KCNH7: variants seen among roughly 807,000 people sequenced by gnomAD.
The protein encoded by KCNH7 is potassium voltage-gated channel subfamily H member 7, also known as voltage-gated inwardly rectifying potassium channel KCNH7.
A neutral mutation model predicts 120.8 loss-of-function variants in KCNH7; 49 were observed. The ratio of observed to expected loss-of-function variants is 0.41; its 90% confidence interval spans 0.32 to 0.51. The LOEUF is 0.51. KCNH7 is among the 20% of genes least tolerant of loss of function. The pLI is 0.38. For missense variants in KCNH7, 1,097 were observed against 1,446.6 expected (o/e 0.76, Z 3.92); for synonymous variants, 547 against 516.1 (o/e 1.06, Z -0.81).
At chr2:162,627,477 G>A (rs1683601419) in intron 2 of KCNH7, among the ~76,000 whole-genome samples, 1 of 152,132 alleles carries the variant, frequency 6.6e-6, no homozygotes, top group Admixed American at 6.6e-5. Context: ...AGAGGTAACT[G>A]AAAATTTTAA....
At chr2:162,701,102 A>C (rs568319055) in intron 2 of KCNH7, among the ~76,000 whole-genome samples, 1 of 152,302 alleles carries the variant, frequency 6.6e-6, no homozygotes, top group East Asian at 1.9e-4. Flanking sequence ...AGTACAGTCA[A>C]TGAATTGTTA....
chr2:162,396,667 A>T, intron 11 of KCNH7, 73 bp downstream of exon 11: 2 of 1,124,282 alleles, frequency 1.8e-6, no homozygotes. Flanking sequence ...TTGATTTTTC[A>T]GAAGTATTTG....
At chr2:162,690,773 G>T (rs1345615841) in intron 2 of KCNH7, among the ~76,000 whole-genome samples, 1 of 152,066 alleles carries the variant, frequency 6.6e-6, no homozygotes, top group Non-Finnish European at 1.5e-5. Flanking sequence ...CAGATAATTG[G>T]CATGTTAACA....
chr2:162,784,103 T>C (rs1452911286), intron 2 of KCNH7, among the ~76,000 whole-genome samples: 1 of 152,148 alleles, frequency 6.6e-6, no homozygotes, highest in Non-Finnish European at 1.5e-5. Flanking sequence ...TATAATATAG[T>C]ATTTGGATTT....
At chr2:162,612,629 G>A (rs1683007976) in intron 2 of KCNH7, among the ~76,000 whole-genome samples, 1 of 151,790 alleles carries the variant, frequency 6.6e-6, no homozygotes, top group Non-Finnish European at 1.5e-5. Flanking sequence ...TAAACTCAAA[G>A]TCCATAATTA....
chr2:162,507,106 T>G (rs1690907009), intron 5 of KCNH7, among the ~76,000 whole-genome samples: 1 of 151,800 alleles, frequency 6.6e-6, no homozygotes, highest in Non-Finnish European at 1.5e-5. Flanking sequence ...ATATATTGTT[T>G]TATTCAGAAC....
intron 6 of KCNH7, among the ~76,000 whole-genome samples, chr2:162,479,490 T>A (rs1689854320): frequency 6.6e-6 from 1 of 152,206 alleles, no homozygotes; most frequent in Admixed American, 6.5e-5. Context: ...TTTGACAATT[T>A]AAGCATAAAT....
chr2:162,641,406 A>T (rs1684151189), intron 2 of KCNH7, among the ~76,000 whole-genome samples: 1 of 152,182 alleles, frequency 6.6e-6, no homozygotes, highest in African/African-American at 2.4e-5. Flanking sequence ...CTACTAAAAG[A>T]TTACATTGTA....
chr2:162,732,386 G>T (rs915764221), intron 2 of KCNH7, among the ~76,000 whole-genome samples: 6 of 152,074 alleles, frequency 3.9e-5, no homozygotes, highest in African/African-American at 1.4e-4. Context: ...CCAATATATA[G>T]ATATCTTATT....
rs139856394 is a variant in KCNH7, at chr2:162,465,658, C to T, written c.1129-19215G>A. Among the ~76,000 whole-genome samples the T allele has an allele frequency of 2.0e-3, 299 of 152,136 alleles. 1 individual carries two copies. Among genetic ancestry groups the T allele is most frequent in the African/African-American group, 6.7e-3 (278 of 41,492 alleles). On this transcript the variant is annotated intron_variant, in intron 6 of 15. Coordinates refer to ENST00000332142, the MANE Select transcript of KCNH7 (RefSeq NM_033272.4). ...CAGTGAGTCATGCTGAGTAATGGTG[C>T]GCATTGTATTCATTGAGGTTATAAG...
At chr2:162,488,291 T>C (rs1408178620) in intron 6 of KCNH7, among the ~76,000 whole-genome samples, 1 of 152,192 alleles carries the variant, frequency 6.6e-6, no homozygotes, top group East Asian at 1.9e-4. Context: ...AGCAGCTACT[T>C]TCAACCTGAT....
At chr2:162,410,765 A>G (rs1282941972) in intron 9 of KCNH7, among the ~76,000 whole-genome samples, 2 of 152,088 alleles carry the variant, frequency 1.3e-5, no homozygotes, top group African/African-American at 4.8e-5. Flanking sequence ...AAAATCAAAG[A>G]ACTCCAATAA....
intron 2 of KCNH7, among the ~76,000 whole-genome samples, chr2:162,739,662 G>A (rs1202786971): frequency 1.3e-5 from 2 of 152,186 alleles, no homozygotes; most frequent in African/African-American, 4.8e-5. Context: ...GCATGTTCCT[G>A]AGTGAGACCT....
chr2:162,617,384 C>CA (rs1441781743), intron 2 of KCNH7, among the ~76,000 whole-genome samples: 2 of 152,120 alleles, frequency 1.3e-5, no homozygotes, highest in Non-Finnish European at 2.9e-5. Flanking sequence ...GAGGCTGAGG[C>CA]AGGAGAATGG....
intron 2 of KCNH7, among the ~76,000 whole-genome samples, chr2:162,670,171 A>C (rs948494367): frequency 6.6e-6 from 1 of 151,918 alleles, no homozygotes; most frequent in African/African-American, 2.4e-5. Flanking sequence ...AGAAGGGATT[A>C]TTAGAAAAGA....
intron 6 of KCNH7, among the ~76,000 whole-genome samples, chr2:162,453,699 T>G (rs1302772160): frequency 6.6e-6 from 1 of 152,232 alleles, no homozygotes; most frequent in Non-Finnish European, 1.5e-5. Context: ...TAATTTGCAT[T>G]TCTCTAATGA....
chr2:162,493,581 G>T (rs1003703806), intron 6 of KCNH7, among the ~76,000 whole-genome samples: 2 of 152,164 alleles, frequency 1.3e-5, no homozygotes, highest in African/African-American at 4.8e-5. Flanking sequence ...AATTTGGTAA[G>T]GCCTAGGGAC....
chr2:162,530,285 C>A (rs1024763455), intron 3 of KCNH7, among the ~76,000 whole-genome samples: 4 of 152,022 alleles, frequency 2.6e-5, no homozygotes, highest in African/African-American at 9.7e-5. Context: ...TTTAATACCT[C>A]CCTTTGTTTG....
intron 2 of KCNH7, among the ~76,000 whole-genome samples, chr2:162,808,944 G>A (rs750080098): frequency 3.9e-5 from 6 of 152,148 alleles, no homozygotes; most frequent in Non-Finnish European, 8.8e-5. Flanking sequence ...GTGTTTCTCT[G>A]CAAGCTTCAG....
Sources: gnomAD v4.1 joint callset for allele counts (sites outside exome capture counted in the v4.1 genomes callset) on GRCh38, gnomAD v4.1.1 for gene constraint, MANE v1.5 for transcripts, NCBI Gene and HGNC (gene_info 2026-07-23, HGNC 2026-07-21) for gene names.